Variants in SLC9A2 observed in about 807,000 individuals in gnomAD.
SLC9A2 encodes the protein solute carrier family 9 member A2, also known as sodium/hydrogen exchanger 2.
Under a neutral mutation model 71.7 loss-of-function variants are expected in SLC9A2, and 42 were observed. The observed-to-expected ratio is 0.59, with a 90% CI of 0.46 to 0.76. The LOEUF is 0.76. SLC9A2 is among the 30% of genes least tolerant of loss of function. The pLI, the probability that SLC9A2 is intolerant of heterozygous loss-of-function variation, is 0.00. For synonymous variants in SLC9A2, 396 were observed against 392.5 expected (o/e 1.01, Z -0.10); for missense variants, 829 against 1,017.4 (o/e 0.81, Z 2.52).
chr2:102,684,276 T>C lies in SLC9A2; in HGVS notation c.1365T>C (p.Pro455=). 8 of 1,614,202 alleles carry C rather than the reference T, an allele frequency of 5.0e-6. No individual in the cohort carries two copies. The highest frequency in any genetic ancestry group is 6.8e-6 in the Non-Finnish European group (8 of 1,180,030). Residue 455 remains proline, a synonymous_variant, in exon 5 of 12, where the codon CCT becomes CCC. Coordinates refer to ENST00000233969, the MANE Select transcript of SLC9A2 (RefSeq NM_003048.6). ...LVFLLPAAVF[P]RKKLFITAAI... The stretch of plus-strand genomic sequence containing the variant: ...TTCTCCTTCCTGCTGCTGTGTTTCC[T>C]CGGAAAAAATTGTTTATTACGGCTG...
intron 10 of SLC9A2, 132 bp from the exon 11 acceptor site, chr2:102,705,714 A>G: frequency 1.9e-6 from 1 of 540,516 alleles, no homozygotes; most frequent in Non-Finnish European, 3.3e-6. Context: ...ATAGCCCCTC[A>G]CAAAGTAATT....
At chr2:102,625,241 C>T (rs1034169064) in intron 1 of SLC9A2, among the ~76,000 whole-genome samples, 2 of 152,186 alleles carry the variant, frequency 1.3e-5, no homozygotes, top group African/African-American at 4.8e-5. Context: ...TCTCTAAAAA[C>T]CAATTTGGGT....
intron 3 of SLC9A2, among the ~76,000 whole-genome samples, chr2:102,676,245 C>T (rs1244398957): frequency 6.6e-6 from 1 of 152,206 alleles, no homozygotes; most frequent in East Asian, 1.9e-4. Context: ...ATTCCATCAT[C>T]AAAGTGTTGG....
chr2:102,704,529 A>T lies in SLC9A2; in HGVS notation c.1846-15A>T. The T allele has an allele frequency of 6.2e-7, 1 of 1,609,474 alleles. No homozygotes were observed. Among genetic ancestry groups the T allele is most frequent in the Non-Finnish European group, 8.5e-7 (1 of 1,177,058 alleles). On this transcript the variant is annotated splice_polypyrimidine_tract_variant and intron_variant, in intron 9 of 11. Transcript: ENST00000233969. ...GTTTTTGTTTTTTAATGTCCTCTATATGTTTTCATTCCAGACTTTATCCTA... is the reference window on the plus strand; with the variant it reads ...GTTTTTGTTTTTTAATGTCCTCTATTTGTTTTCATTCCAGACTTTATCCTA...
At chr2:102,701,444 C>G (rs1677874013) in intron 8 of SLC9A2, among the ~76,000 whole-genome samples, 1 of 152,086 alleles carries the variant, frequency 6.6e-6, no homozygotes, top group Non-Finnish European at 1.5e-5. Flanking sequence ...TTCCTTTGAG[C>G]CTGTGGTCAC....
At chr2:102,665,470 G>T in intron 3 of SLC9A2, 120 bp downstream of exon 3, 1 of 1,198,246 alleles carries the variant, frequency 8.3e-7, no homozygotes, top group Non-Finnish European at 1.2e-6. Flanking sequence ...ATTCTTTTAA[G>T]AAAAATTAAA....
At chr2:102,626,318 G>A (rs1676246521) in intron 1 of SLC9A2, among the ~76,000 whole-genome samples, 1 of 152,104 alleles carries the variant, frequency 6.6e-6, no homozygotes, top group African/African-American at 2.4e-5. Flanking sequence ...ACAAGAAATG[G>A]GGAAAGGATT....
chr2:102,632,147 C>CGT (rs1676383912), intron 1 of SLC9A2, among the ~76,000 whole-genome samples: 1 of 43,296 alleles, frequency 2.3e-5, no homozygotes, highest in African/African-American at 7.5e-5. Context: ...TGTATATATA[C>CGT]ATATATACAC....
chr2:102,620,606 G>A (rs1676116117), intron 1 of SLC9A2, among the ~76,000 whole-genome samples: 1 of 152,198 alleles, frequency 6.6e-6, no homozygotes, highest in Non-Finnish European at 1.5e-5. Context: ...TGCATGGAAG[G>A]GGACCAGGGA....
At position 102,710,176 on chromosome 2, in the gene SLC9A2, AACTACAGGCTTAGGACTCTG is replaced by A. The variant is rs1678077813; in HGVS notation, c.*1688_*1707del. 6.5e-6 allele frequency: 1 copy of A among 152,782 alleles called. No homozygotes were observed. The highest frequency in any genetic ancestry group is 2.4e-5 in the African/African-American group (1 of 41,452). 9.5% of individuals were successfully genotyped at this position (152,782 alleles called of 1,614,324 possible). A position where few individuals can be genotyped will look rare whatever the true frequency, so the allele number is the denominator to read the frequency against. ...AAAGTAGCACAGAATGCAATTTGAAAACTACAGGCTTAGGACTCTGTGCCAAAAATCTCTATTTTAAATGA... is the reference window on the plus strand; with the variant it reads ...AAAGTAGCACAGAATGCAATTTGAAATGCCAAAAATCTCTATTTTAAATGA... On this transcript the variant is annotated 3_prime_UTR_variant, in exon 12 of 12. Coordinates refer to ENST00000233969, the MANE Select transcript of SLC9A2 (RefSeq NM_003048.6).
At chr2:102,688,618 C>T (rs574350931) in intron 5 of SLC9A2, among the ~76,000 whole-genome samples, 8 of 152,214 alleles carry the variant, frequency 5.3e-5, no homozygotes, top group African/African-American at 1.9e-4. Flanking sequence ...ATCCCAGCTA[C>T]TCGGGAGGCT....
chr2:102,638,088 T>C (rs979325206), intron 1 of SLC9A2, among the ~76,000 whole-genome samples: 9 of 152,210 alleles, frequency 5.9e-5, no homozygotes, highest in African/African-American at 2.2e-4. Context: ...CCTCTCAGTT[T>C]CTCAATATGA....
At chr2:102,675,874 A>G (rs1224933872) in intron 3 of SLC9A2, among the ~76,000 whole-genome samples, 1 of 152,182 alleles carries the variant, frequency 6.6e-6, no homozygotes, top group East Asian at 1.9e-4. Flanking sequence ...GCCTCTGCCT[A>G]TACTCCCATT....
chr2:102,709,194 C>T lies in SLC9A2; in HGVS notation c.*705C>T, dbSNP rs1430474438. 2.0e-5 allele frequency: 3 copies of T among 152,404 alleles called. No homozygotes were observed. Among genetic ancestry groups the T allele is most frequent in the East Asian group, 1.9e-4 (1 of 5,338 alleles). 9.4% of individuals were successfully genotyped at this position (152,404 alleles called of 1,614,324 possible). A position where few individuals can be genotyped will look rare whatever the true frequency, so the allele number is the denominator to read the frequency against. ...CTGTCTACTGTGTGTTTGGGGGTGA[C>T]ATCTAAATTCCATTTCTTCTTCTTG... On this transcript the variant is annotated 3_prime_UTR_variant, in exon 12 of 12. Coordinates refer to ENST00000233969, the MANE Select transcript of SLC9A2 (RefSeq NM_003048.6).
At chr2:102,639,610 AT>A (rs1326854355) in intron 1 of SLC9A2, among the ~76,000 whole-genome samples, 1 of 152,230 alleles carries the variant, frequency 6.6e-6, no homozygotes, top group Admixed American at 6.5e-5. Flanking sequence ...CATTGAGTAC[AT>A]TATCAGTGTT....
At chr2:102,703,294 C>G (rs533597551) in intron 9 of SLC9A2, among the ~76,000 whole-genome samples, 2 of 152,210 alleles carry the variant, frequency 1.3e-5, no homozygotes, top group Non-Finnish European at 2.9e-5. Context: ...AATTTGGACT[C>G]TATTTCCAAG....
chr2:102,669,646 C>T lies in SLC9A2; in HGVS notation c.1004+4296C>T, dbSNP rs1677207746. Among the ~76,000 whole-genome samples the T allele has an allele frequency of 2.0e-5, 3 of 152,320 alleles. No individual in the cohort carries two copies. In the South Asian group the frequency reaches 6.2e-4, roughly 32 times the overall value. ...GATTTTAGAAATTCTTGCCTTGACTCATGTGTTTTGAACTTTATATTCAGG... is the reference window on the plus strand; with the variant it reads ...GATTTTAGAAATTCTTGCCTTGACTTATGTGTTTTGAACTTTATATTCAGG... On this transcript the variant is annotated intron_variant, in intron 3 of 11. Coordinates refer to ENST00000233969, the MANE Select transcript of SLC9A2 (RefSeq NM_003048.6).
intron 1 of SLC9A2, among the ~76,000 whole-genome samples, chr2:102,633,800 T>G (rs1676417861): frequency 6.6e-6 from 1 of 152,158 alleles, no homozygotes; most frequent in Non-Finnish European, 1.5e-5. Context: ...TATTCATAGG[T>G]TAAGAGAAGG....
At chr2:102,703,147 C>T (rs1335868638) in intron 9 of SLC9A2, among the ~76,000 whole-genome samples, 8 of 152,202 alleles carry the variant, frequency 5.3e-5, no homozygotes. Flanking sequence ...GTTTCAGCAG[C>T]TTCTTAGCTG....
Sources: gnomAD v4.1 joint callset for allele counts (sites outside exome capture counted in the v4.1 genomes callset) on GRCh38, gnomAD v4.1.1 for gene constraint, MANE v1.5 for transcripts, NCBI Gene and HGNC (gene_info 2026-07-23, HGNC 2026-07-21) for gene names.